Variants in ACTR2 observed in about 807,000 individuals in gnomAD.
ACTR2 encodes actin-related protein 2.
A neutral mutation model predicts 50.2 loss-of-function variants in ACTR2; 5 were observed. The ratio of observed to expected loss-of-function variants is 0.10; its 90% CI spans 0.05 to 0.21. The LOEUF (loss-of-function observed/expected upper bound fraction) is 0.21. Ranked by LOEUF, ACTR2 falls within the 10% of genes least tolerant of loss-of-function variation. The pLI, the probability that ACTR2 is intolerant of heterozygous loss-of-function variation, is 1.00. For synonymous variants in ACTR2, 140 were observed against 162.9 expected, an observed-to-expected ratio of 0.86 and a Z score of 1.07; for missense variants, 180 against 480.6, an observed-to-expected ratio of 0.37 and a Z score of 5.85.
chr2:65,256,320 CTAA>C (rs1168866798), intron 6 of ACTR2, among the ~76,000 whole-genome samples: 1 of 152,134 alleles, frequency 6.6e-6, no homozygotes, highest in Non-Finnish European at 1.5e-5. Flanking sequence ...GAAATTGTAA[CTAA>C]TGAGATTTAG....
intron 1 of ACTR2, among the ~76,000 whole-genome samples, chr2:65,236,638 T>C (rs962394968): frequency 3.3e-5 from 5 of 152,118 alleles, no homozygotes; most frequent in African/African-American, 1.2e-4. Context: ...TGGAGTGCAG[T>C]GGCGTGATCT....
At chr2:65,236,820 G>A (rs1368913668) in intron 1 of ACTR2, among the ~76,000 whole-genome samples, 1 of 152,058 alleles carries the variant, frequency 6.6e-6, no homozygotes, top group Non-Finnish European at 1.5e-5. Context: ...GGCCTCATGT[G>A]ATTCAAGTGG....
At chr2:65,229,195 G>T (rs1361433054) in intron 1 of ACTR2, among the ~76,000 whole-genome samples, 1 of 152,136 alleles carries the variant, frequency 6.6e-6, no homozygotes, top group African/African-American at 2.4e-5. Context: ...ATTTATTCTG[G>T]ATGACTTCTA....
chr2:65,240,960 A>G (rs183235142), intron 2 of ACTR2, among the ~76,000 whole-genome samples: 3 of 151,628 alleles, frequency 2.0e-5, no homozygotes, highest in Non-Finnish European at 4.4e-5. Context: ...GTTGAGTTAC[A>G]CAATGAATAA....
intron 7 of ACTR2, among the ~76,000 whole-genome samples, chr2:65,263,972 G>A (rs972441674): frequency 1.3e-5 from 2 of 152,024 alleles, no homozygotes; most frequent in Admixed American, 6.6e-5. Context: ...GGAGAATGGC[G>A]TGAACCTGGG....
intron 2 of ACTR2, among the ~76,000 whole-genome samples, chr2:65,243,905 A>G (rs1203820896): frequency 6.6e-6 from 1 of 152,112 alleles, no homozygotes; most frequent in East Asian, 1.9e-4. Context: ...CTGATCACTT[A>G]TAACTTGGTT....
At position 65,269,606 on chromosome 2, in the gene ACTR2, T is replaced by A. The variant is rs945751287; in HGVS notation, c.*872T>A. On this transcript the variant is annotated 3_prime_UTR_variant, in exon 9 of 9. Coordinates refer to ENST00000260641, the MANE Select transcript of ACTR2 (RefSeq NM_005722.4). ...CCTTTGGGTAATTCGAATTACAGAT[T>A]TAAAAGAGCTTAAGATCTGGTGTTT... 2.6e-5 allele frequency: 4 copies of A among 152,198 alleles called. No individual in the cohort carries two copies. The highest frequency in any genetic ancestry group is 9.7e-5 in the African/African-American group (4 of 41,440). 9.4% of individuals were successfully genotyped at this position (152,198 alleles called of 1,614,324 possible).
At chr2:65,249,611 A>T (rs1271309188) in intron 3 of ACTR2, among the ~76,000 whole-genome samples, 3 of 152,152 alleles carry the variant, frequency 2.0e-5, no homozygotes, top group African/African-American at 7.2e-5. Context: ...TGTAATTTTC[A>T]TTGTGGTCAG....
chr2:65,237,461 C>T (rs902826533), intron 1 of ACTR2, among the ~76,000 whole-genome samples: 3 of 151,974 alleles, frequency 2.0e-5, no homozygotes, highest in Non-Finnish European at 4.4e-5. Context: ...ATACTGGTCT[C>T]GAGCTTCTGG....
chr2:65,253,602 TA>T, intron 4 of ACTR2, 125 bp from the exon 5 acceptor site: 1 of 933,514 alleles, frequency 1.1e-6, no homozygotes, highest in Non-Finnish European at 1.6e-6. Flanking sequence ...GCAAAATAAC[TA>T]AATAATAAAT....
chr2:65,238,828 C>T (rs1427017045), intron 1 of ACTR2, among the ~76,000 whole-genome samples: 11 of 149,628 alleles, frequency 7.4e-5, no homozygotes, highest in African/African-American at 2.7e-4. Flanking sequence ...ATTAGCTGGG[C>T]ATGGTGGTGG....
chr2:65,228,472 C>T (rs1405527814), intron 1 of ACTR2: 1 of 150,176 alleles, frequency 6.7e-6, no homozygotes, highest in Non-Finnish European at 1.5e-5. Flanking sequence ...GAGTGTGGAC[C>T]TCAGCCCTTT....
rs142547046 is a variant in ACTR2, at chr2:65,258,966, CT to C, written c.736-2271del. ...TTTTAAGGGTATAAGTTTTGGTAAC[CT>C]TTTTTTTTTCTTTCTGTTTTGAGAC... On this transcript the variant is annotated intron_variant, in intron 6 of 8. Coordinates refer to ENST00000260641, the MANE Select transcript of ACTR2 (RefSeq NM_005722.4). 7.0e-3 allele frequency among the ~76,000 whole-genome samples: 1,036 copies of C among 148,838 alleles called. 15 individuals are homozygous for C. The highest frequency in any genetic ancestry group is 0.024 in the African/African-American group (960 of 40,552).
At chr2:65,257,822 C>G (rs1454507923) in intron 6 of ACTR2, among the ~76,000 whole-genome samples, 3 of 152,086 alleles carry the variant, frequency 2.0e-5, no homozygotes, top group Non-Finnish European at 4.4e-5. Context: ...GTTTAAGTTC[C>G]TTGTAGATTC....
intron 8 of ACTR2, among the ~76,000 whole-genome samples, chr2:65,266,335 G>T (rs1449578896): frequency 6.6e-6 from 1 of 152,190 alleles, no homozygotes; most frequent in African/African-American, 2.4e-5. Context: ...TAAGTTGAGC[G>T]TGAGAGGAGT....
intron 2 of ACTR2, chr2:65,242,752 T>C (rs1283035710): frequency 2.5e-6 from 1 of 394,836 alleles, no homozygotes; most frequent in African/African-American, 2.1e-5. Context: ...ATTTAACTCT[T>C]CATTGTATTT....
chr2:65,265,849 C>G (rs1305882528), intron 8 of ACTR2, among the ~76,000 whole-genome samples: 1 of 152,156 alleles, frequency 6.6e-6, no homozygotes, highest in African/African-American at 2.4e-5. Context: ...AATCTCTGAG[C>G]TTTGTCTCAC....
chr2:65,253,651 C>T (rs1672095985), intron 4 of ACTR2, 77 bp from the exon 5 acceptor site: 1 of 1,472,382 alleles, frequency 6.8e-7, no homozygotes, highest in South Asian at 1.2e-5. Context: ...TTTTGGCTTC[C>T]CTACTGTATT....
intron 6 of ACTR2, among the ~76,000 whole-genome samples, chr2:65,259,263 A>G (rs1054487794): frequency 2.0e-5 from 3 of 152,084 alleles, no homozygotes; most frequent in African/African-American, 7.2e-5. Flanking sequence ...CGTCTCTACA[A>G]AAAATAAAAT....
Sources: gnomAD v4.1 joint callset for allele counts (sites outside exome capture counted in the v4.1 genomes callset) on GRCh38, gnomAD v4.1.1 for gene constraint, MANE v1.5 for transcripts, NCBI Gene and HGNC (gene_info 2026-07-23, HGNC 2026-07-21) for gene names.